Variants in OTOGL observed in about 807,000 individuals in gnomAD.
The protein encoded by OTOGL is otogelin-like protein.
A neutral mutation model predicts 318.5 loss-of-function variants in OTOGL; 285 were observed. The ratio of observed to expected loss-of-function variants is 0.89; its 90% CI spans 0.81 to 0.99. OTOGL has a LOEUF of 0.99. Ranked by LOEUF, OTOGL falls within the 50% of genes least tolerant of loss-of-function variation. OTOGL has a pLI of 0.00. For missense variants in OTOGL, 2,899 were observed against 2,845.6 expected, an observed-to-expected ratio of 1.02 and a Z score of -0.43; for synonymous variants, 987 against 936.5, an observed-to-expected ratio of 1.05 and a Z score of -0.99.
rs1224574357 is a variant in OTOGL at position 80,257,839 on chromosome 12, C to G, written c.1726C>G (p.Gln576Glu). The change falls in exon 18 of 59, where the codon CAA (glutamine) becomes GAA (glutamate). Residue 576 changes from glutamine (Q) to glutamate (E), a missense_variant. Physicochemically the swap from Gln to Glu is conservative, Grantham distance 29. Around this residue, in one of 3 missense-constraint regions of OTOGL, gnomAD observed 2,607 missense variants for 2,524.9 expected, o/e 1.03. Coordinates refer to ENST00000547103, the MANE Select transcript of OTOGL (RefSeq NM_001378609.3). Reference protein sequence around the residue: ...GFNLNGIVEIQTLSSLFILLK... With the variant: ...GFNLNGIVEIETLSSLFILLK... ...TTTTCCTGCAGGTATTGTTGAAATT[C>G]AAACTCTGTCATCCTTATTTATACT... 4 of 1,575,890 alleles carry G rather than the reference C, an allele frequency of 2.5e-6. No homozygotes were observed. Among genetic ancestry groups the G allele is most frequent in the South Asian group, 2.3e-5 (2 of 87,222 alleles).
At position 80,335,995 on chromosome 12, in the gene OTOGL, C is replaced by A; in HGVS notation, c.4455C>A (p.Ser1485Arg). 6.3e-7 allele frequency: 1 copy of A among 1,594,782 alleles called. No individual in the cohort carries two copies. The highest frequency in any genetic ancestry group is 8.5e-7 in the Non-Finnish European group (1 of 1,177,818). The change falls in exon 39 of 59, where the codon AGC becomes AGA. Residue 1485 changes from serine (S) to arginine (R), a missense_variant. Physicochemically the swap from Ser to Arg is moderately radical, Grantham distance 110 (BLOSUM62 -1). Around this residue, in one of 3 missense-constraint regions of OTOGL, gnomAD observed 2,607 missense variants for 2,524.9 expected, o/e 1.03. Transcript: ENST00000547103. The part of the protein sequence containing the change: ...PQKFDPVYDC[S>R]QYICLNMEWQ... Reference sequence around the variant, plus strand: ...AATTTGATCCTGTTTATGATTGTAGCCAATACATATGCCTTAATATGGAAT... The same window carrying A: ...AATTTGATCCTGTTTATGATTGTAGACAATACATATGCCTTAATATGGAAT...
intron 1 of OTOGL, among the ~76,000 whole-genome samples, chr12:80,141,209 A>AT (rs1434385832): frequency 3.9e-5 from 6 of 152,044 alleles, no homozygotes; most frequent in Admixed American, 2.0e-4. Context: ...AAAAGGCAAG[A>AT]TTTTTTTTAT....
At chr12:80,140,625 G>C (rs891214333) in intron 1 of OTOGL, among the ~76,000 whole-genome samples, 22 of 152,092 alleles carry the variant, frequency 1.4e-4, no homozygotes, top group African/African-American at 4.8e-4. Flanking sequence ...TCATCTCTCT[G>C]TGCTTCAGTC....
chr12:80,191,218 A>G (rs1309969326), intron 1 of OTOGL, among the ~76,000 whole-genome samples: 1 of 152,222 alleles, frequency 6.6e-6, no homozygotes, highest in Non-Finnish European at 1.5e-5. Context: ...CGGGCAGATC[A>G]CCTGAAGTCA....
At chr12:80,200,055 A>G (rs1876351922) in intron 1 of OTOGL, among the ~76,000 whole-genome samples, 1 of 152,230 alleles carries the variant, frequency 6.6e-6, no homozygotes, top group African/African-American at 2.4e-5. Flanking sequence ...CATCATCATT[A>G]TCATCATTGT....
At chr12:80,370,338 A>G (rs1592769373) in intron 55 of OTOGL, among the ~76,000 whole-genome samples, 1 of 152,044 alleles carries the variant, frequency 6.6e-6, no homozygotes, top group African/African-American at 2.4e-5. Flanking sequence ...GCATATACAA[A>G]CACACTATAC....
intron 37 of OTOGL, among the ~76,000 whole-genome samples, chr12:80,331,342 T>C (rs1418778781): frequency 7.3e-6 from 1 of 137,312 alleles, no homozygotes; most frequent in East Asian, 2.1e-4. Flanking sequence ...AATTTTTTTT[T>C]TTTTTTTTTT....
At chr12:80,201,237 A>G (rs1278298322) in intron 1 of OTOGL, among the ~76,000 whole-genome samples, 2 of 152,126 alleles carry the variant, frequency 1.3e-5, no homozygotes, top group Admixed American at 6.5e-5. Context: ...TTTATAAAGG[A>G]ATACCTGAGA....
chr12:80,265,065 T>A lies in OTOGL; in HGVS notation c.2079T>A (p.Ile693=). The change falls in exon 20 of 59, where the codon ATT becomes ATA. Residue 693 remains isoleucine (I), a synonymous_variant. Coordinates refer to ENST00000547103, the MANE Select transcript of OTOGL (RefSeq NM_001378609.3). ...QELFAPCHIY[I]SPGLYYQLCR... ...TCTTTGCTCCTTGCCACATCTATAT[T>A]AGCCCTGGGCTGTACTATCAGCTAT... 6.2e-7 allele frequency: 1 copy of A among 1,613,932 alleles called. No homozygotes were observed. Among genetic ancestry groups the A allele is most frequent in the African/African-American group, 1.3e-5 (1 of 75,056 alleles).
intron 1 of OTOGL, among the ~76,000 whole-genome samples, chr12:80,191,155 T>G (rs1875666634): frequency 1.3e-5 from 2 of 152,232 alleles, no homozygotes; most frequent in South Asian, 4.1e-4. Context: ...TATTGGATAC[T>G]GGCTGGGAGC....
At chr12:80,225,809 A>T (rs1442949700) in intron 7 of OTOGL, among the ~76,000 whole-genome samples, 3 of 152,108 alleles carry the variant, frequency 2.0e-5, no homozygotes, top group Admixed American at 2.0e-4. Flanking sequence ...AGATTTTTTT[A>T]AAATAGAATT....
chr12:80,159,283 T>C (rs1033446064), intron 1 of OTOGL, among the ~76,000 whole-genome samples: 1 of 152,082 alleles, frequency 6.6e-6, no homozygotes, highest in Non-Finnish European at 1.5e-5. Flanking sequence ...GGGATACTGG[T>C]CTGTAGTTTT....
At chr12:80,208,409 A>G (rs2137302368) in intron 1 of OTOGL, among the ~76,000 whole-genome samples, 1 of 152,314 alleles carries the variant, frequency 6.6e-6, no homozygotes. Flanking sequence ...TTTTTGTTTC[A>G]TAAAGTACTT....
chr12:80,334,155 ATCTATCACCTGGT>A (rs1888252161), intron 38 of OTOGL, among the ~76,000 whole-genome samples: 1 of 152,122 alleles, frequency 6.6e-6, no homozygotes, highest in African/African-American at 2.4e-5. Context: ...AGAGATGATG[ATCTATCACCTGGT>A]TCAGGTGATA....
At position 80,228,300 on chromosome 12, in the gene OTOGL, G is replaced by A. The variant is rs142155174; in HGVS notation, c.490-957G>A. Among the ~76,000 whole-genome samples, 12 of 152,006 alleles carry A rather than the reference G, an allele frequency of 7.9e-5. 1 individual carries two copies. The highest frequency in any genetic ancestry group is 2.4e-4 in the African/African-American group (10 of 41,494). On this transcript the variant is annotated intron_variant, in intron 7 of 58. Coordinates refer to ENST00000547103, the MANE Select transcript of OTOGL (RefSeq NM_001378609.3). ...TACCAAAAAAATAGAAAAATTAGCCGGTTTGGTGGTACACGCCTATAGCCC... is the reference window on the plus strand; with the variant it reads ...TACCAAAAAAATAGAAAAATTAGCCAGTTTGGTGGTACACGCCTATAGCCC...
intron 1 of OTOGL, among the ~76,000 whole-genome samples, chr12:80,198,964 AT>A (rs1203111568): frequency 1.3e-5 from 2 of 152,190 alleles, no homozygotes; most frequent in Non-Finnish European, 2.9e-5. Context: ...TGATCTTGAA[AT>A]TAAAATATAC....
chr12:80,313,719 G>A, intron 31 of OTOGL, 87 bp downstream of exon 31: 5 of 1,137,260 alleles, frequency 4.4e-6, no homozygotes, highest in South Asian at 1.9e-5. Context: ...AATAATGCCA[G>A]GAGACTCATG....
chr12:80,209,386 A>C, intron 1 of OTOGL, 27 bp from the exon 2 acceptor site: 4 of 1,287,928 alleles, frequency 3.1e-6, no homozygotes, highest in Non-Finnish European at 4.2e-6. Context: ...CATCATAATA[A>C]AGACCATCAA....
intron 1 of OTOGL, 71 bp from the exon 2 acceptor site, chr12:80,209,342 G>T: frequency 1.3e-6 from 1 of 788,948 alleles, no homozygotes; most frequent in South Asian, 3.3e-5. Flanking sequence ...ATTAGAATTT[G>T]AGTACCCTAC....
Sources: gnomAD v4.1 joint callset for allele counts (sites outside exome capture counted in the v4.1 genomes callset) on GRCh38, gnomAD v4.1.1 for gene constraint, gnomAD v4.1.1 regional missense constraint, MANE v1.5 for transcripts, NCBI Gene and HGNC (gene_info 2026-07-23, HGNC 2026-07-21) for gene names.